ZNF385B: variants seen among roughly 807,000 people sequenced by gnomAD.
The protein encoded by ZNF385B is zinc finger protein 533.
A neutral mutation model predicts 39.2 loss-of-function variants in ZNF385B; 23 were observed. That is an observed-to-expected ratio of 0.59 (90% CI 0.42 to 0.83). The LOEUF (loss-of-function observed/expected upper bound fraction) is 0.83, where lower values mean the gene tolerates loss of function less well. Among genes scored for constraint, ZNF385B ranks in the 40% least tolerant of loss-of-function variants. ZNF385B has a pLI of 0.00. For missense variants in ZNF385B, 552 were observed against 598.9 expected (o/e 0.92, Z 0.82); for synonymous variants, 205 against 222.6 (o/e 0.92, Z 0.70).
intron 3 of ZNF385B, among the ~76,000 whole-genome samples, chr2:179,623,615 T>C (rs1325369754): frequency 6.6e-6 from 1 of 152,170 alleles, no homozygotes; most frequent in East Asian, 1.9e-4. Flanking sequence ...TGTAGTCCAG[T>C]GGTGGGGTGC....
At chr2:179,778,721 C>T (rs1281763662) in intron 1 of ZNF385B, among the ~76,000 whole-genome samples, 1 of 152,054 alleles carries the variant, frequency 6.6e-6, no homozygotes, top group Non-Finnish European at 1.5e-5. Flanking sequence ...GAAATTATTG[C>T]ATTTTTATTT....
intron 3 of ZNF385B, among the ~76,000 whole-genome samples, chr2:179,684,528 A>G (rs960127730): frequency 1.3e-5 from 2 of 152,218 alleles, no homozygotes; most frequent in Admixed American, 6.5e-5. Context: ...ACACATATTA[A>G]TCCATGATTG....
intron 3 of ZNF385B, among the ~76,000 whole-genome samples, chr2:179,595,143 C>T (rs942002696): frequency 6.6e-6 from 1 of 152,036 alleles, no homozygotes; most frequent in Non-Finnish European, 1.5e-5. Context: ...TGAAAACTAT[C>T]ACTTAAAAGA....
rs1260181786 is a variant in ZNF385B at position 179,503,359 on chromosome 2, G to A, written c.552+15169C>T. 2.6e-5 allele frequency among the ~76,000 whole-genome samples: 4 copies of A among 152,250 alleles called. No individual in the cohort carries two copies. In the East Asian group the frequency reaches 5.8e-4, roughly 22 times the overall value. ...ATAAAAGTACAATTTGCCTACACCT[G>A]AATGATCACAAATCCCTAATTAATG... On this transcript the variant is annotated intron_variant, in intron 5 of 9. Transcript: ENST00000410066.
chr2:179,831,049 T>A (rs967008906), intron 1 of ZNF385B, among the ~76,000 whole-genome samples: 2 of 152,232 alleles, frequency 1.3e-5, no homozygotes, highest in African/African-American at 4.8e-5. Context: ...TTTTATTTTT[T>A]ATTTTCAGGC....
rs538382831 is a variant in ZNF385B at position 179,805,681 on chromosome 2, T to C, written c.-154-35009A>G. Reference sequence around the variant, plus strand: ...TAATGAGAGTTCCTACTTCATAGGATCCAGTTAAGGATTAAATGAATATGT... The same window carrying C: ...TAATGAGAGTTCCTACTTCATAGGACCCAGTTAAGGATTAAATGAATATGT... On this transcript the variant is annotated intron_variant, in intron 1 of 9. Transcript: ENST00000410066. Among the ~76,000 whole-genome samples the C allele has an allele frequency of 4.6e-5, 7 of 152,288 alleles. No homozygotes were observed. The South Asian group carries it at 8.3e-4, about 18-fold the overall frequency.
intron 1 of ZNF385B, among the ~76,000 whole-genome samples, chr2:179,822,752 T>C (rs570125334): frequency 2.1e-4 from 32 of 152,314 alleles, no homozygotes; most frequent in African/African-American, 7.2e-4. Context: ...AATGACGTCA[T>C]TGGAATACCT....
At chr2:179,451,631 G>C (rs1432485137) in intron 6 of ZNF385B, among the ~76,000 whole-genome samples, 3 of 151,978 alleles carry the variant, frequency 2.0e-5, no homozygotes, top group African/African-American at 7.2e-5. Context: ...GTTGACTTTG[G>C]AAATGTGTAA....
intron 3 of ZNF385B, among the ~76,000 whole-genome samples, chr2:179,557,646 T>C (rs1414719251): frequency 1.4e-5 from 2 of 142,292 alleles, no homozygotes; most frequent in African/African-American, 5.3e-5. Context: ...TATATACATG[T>C]TATATATGTA....
At chr2:179,831,424 G>A (rs537551320) in intron 1 of ZNF385B, among the ~76,000 whole-genome samples, 61 of 150,392 alleles carry the variant, frequency 4.1e-4, no homozygotes, top group African/African-American at 1.5e-3. Flanking sequence ...CTGCCATAGC[G>A]AAGATCCAGC....
At chr2:179,809,098 T>C (rs986548377) in intron 1 of ZNF385B, among the ~76,000 whole-genome samples, 6 of 152,148 alleles carry the variant, frequency 3.9e-5, no homozygotes, top group Non-Finnish European at 7.4e-5. Flanking sequence ...CTCTAGAATA[T>C]GAAAACATAA....
intron 5 of ZNF385B, among the ~76,000 whole-genome samples, chr2:179,495,167 T>A (rs1166199207): frequency 1.3e-5 from 2 of 152,088 alleles, no homozygotes; most frequent in African/African-American, 4.8e-5. Flanking sequence ...CCAGGCAGCC[T>A]TCATGACAAG....
intron 8 of ZNF385B, 130 bp downstream of exon 8, chr2:179,445,420 A>G: frequency 1.3e-6 from 1 of 791,782 alleles, no homozygotes; most frequent in Non-Finnish European, 2.0e-6. Context: ...TATATGTTGC[A>G]TATTGTCTGC....
chr2:179,848,874 G>T (rs1324729079), intron 1 of ZNF385B, among the ~76,000 whole-genome samples: 1 of 152,142 alleles, frequency 6.6e-6, no homozygotes, highest in Non-Finnish European at 1.5e-5. Flanking sequence ...TTCAGGTGTT[G>T]TAGAAAAGAG....
chr2:179,640,957 C>T (rs1048465720), intron 3 of ZNF385B, among the ~76,000 whole-genome samples: 2 of 152,158 alleles, frequency 1.3e-5, no homozygotes, highest in African/African-American at 4.8e-5. Context: ...AATGTACTTT[C>T]TCTCTGAAAA....
rs1378079964 is a variant in ZNF385B, at chr2:179,554,160, G to A, written c.299-9191C>T. On this transcript the variant is annotated intron_variant, in intron 3 of 9. Transcript: ENST00000410066. ...TATTGTATAAGCTTCAGTTACTGTG[G>A]TTACTAACTACTCCTAATCCTTGAC... Among the ~76,000 whole-genome samples, 2 of 149,018 alleles carry A rather than the reference G, an allele frequency of 1.3e-5. 1 individual carries two copies. Among genetic ancestry groups the A allele is most frequent in the Admixed American group, 1.3e-4 (2 of 14,962 alleles).
chr2:179,528,087 C>CA (rs2059025562), intron 4 of ZNF385B, among the ~76,000 whole-genome samples: 1 of 151,864 alleles, frequency 6.6e-6, no homozygotes, highest in Non-Finnish European at 1.5e-5. Flanking sequence ...CAAAACAAAA[C>CA]AAAAAAACAC....
chr2:179,549,304 T>A (rs142954711), intron 3 of ZNF385B, among the ~76,000 whole-genome samples: 1 of 149,840 alleles, frequency 6.7e-6, no homozygotes, highest in East Asian at 1.9e-4. Flanking sequence ...TGTGGATATA[T>A]GTTTTCAGTT....
At chr2:179,555,427 G>A (rs1294332705) in intron 3 of ZNF385B, among the ~76,000 whole-genome samples, 1 of 149,350 alleles carries the variant, frequency 6.7e-6, no homozygotes, top group African/African-American at 2.5e-5. Flanking sequence ...AGCTACACAT[G>A]TATGCTATAT....
Sources: gnomAD v4.1 joint callset for allele counts (sites outside exome capture counted in the v4.1 genomes callset) on GRCh38, gnomAD v4.1.1 for gene constraint, MANE v1.5 for transcripts, NCBI Gene and HGNC (gene_info 2026-07-23, HGNC 2026-07-21) for gene names.